COL25A1: variants seen among roughly 807,000 people sequenced by gnomAD.
COL25A1 encodes the protein collagen alpha-1(XXV) chain.
In COL25A1, 103 loss-of-function variants were observed where a neutral mutation model predicts 128.4. That is an observed-to-expected ratio of 0.80 (90% CI 0.68 to 0.94). The LOEUF is 0.94. Ranked by LOEUF, COL25A1 falls within the 40% of genes least tolerant of loss-of-function variation. The pLI is 0.00. For synonymous variants in COL25A1, 279 were observed against 277.2 expected (o/e 1.01, Z -0.06); for missense variants, 745 against 840.0 (o/e 0.89, Z 1.40).
chr4:109,189,180 C>T (rs1335780775), intron 3 of COL25A1, among the ~76,000 whole-genome samples: 1 of 152,042 alleles, frequency 6.6e-6, no homozygotes, highest in African/African-American at 2.4e-5. Flanking sequence ...ATTTTCATAA[C>T]ATCTTTGATT....
chr4:109,160,597 G>A (rs1273770324), intron 3 of COL25A1, among the ~76,000 whole-genome samples: 1 of 152,042 alleles, frequency 6.6e-6, no homozygotes, highest in Non-Finnish European at 1.5e-5. Context: ...CCTTGGGAAC[G>A]GGCTCTGTCC....
At chr4:108,940,445 A>T in intron 10 of COL25A1, 94 bp downstream of exon 10, 1 of 987,448 alleles carries the variant, frequency 1.0e-6, no homozygotes. Flanking sequence ...TGACCCCCTG[A>T]CCTGATGCCC....
chr4:109,018,224 C>A (rs1344475120), intron 5 of COL25A1, among the ~76,000 whole-genome samples: 1 of 151,984 alleles, frequency 6.6e-6, no homozygotes, highest in African/African-American at 2.4e-5. Context: ...TGATCCCATC[C>A]TCTTTCTTTT....
chr4:109,037,763 T>C (rs1759494132), intron 5 of COL25A1, among the ~76,000 whole-genome samples: 1 of 152,204 alleles, frequency 6.6e-6, no homozygotes, highest in African/African-American at 2.4e-5. Context: ...CTGACAGCTA[T>C]AAAGTAAAAT....
At chr4:109,010,294 GAA>G in intron 6 of COL25A1, 62 bp downstream of exon 6, 1 of 1,216,192 alleles carries the variant, frequency 8.2e-7, no homozygotes, top group South Asian at 1.4e-5. Flanking sequence ...AAGAATTGCA[GAA>G]AGACCTCCAC....
intron 5 of COL25A1, among the ~76,000 whole-genome samples, chr4:109,029,726 C>T (rs1413843590): frequency 6.6e-6 from 1 of 151,994 alleles, no homozygotes; most frequent in Non-Finnish European, 1.5e-5. Flanking sequence ...GAAGGAACTA[C>T]TATGTAAAAA....
At chr4:109,205,385 G>A (rs1358159602) in intron 3 of COL25A1, among the ~76,000 whole-genome samples, 2 of 152,130 alleles carry the variant, frequency 1.3e-5, no homozygotes, top group Non-Finnish European at 1.5e-5. Flanking sequence ...CAGCCTCCCT[G>A]AAGCTGGATG....
chr4:109,127,064 G>T (rs1768692716), intron 3 of COL25A1, among the ~76,000 whole-genome samples: 1 of 152,106 alleles, frequency 6.6e-6, no homozygotes, highest in Non-Finnish European at 1.5e-5. Flanking sequence ...GAGTGAATAA[G>T]AATTACTCAT....
rs775470449 is a variant in COL25A1 at position 109,108,077 on chromosome 4, C to T, written c.368-57898G>A. ...TAAGTTTTAGGGTACATGTGCACAACGTGCAGGTTTGTTACATATGTATAC... is the reference window on the plus strand; with the variant it reads ...TAAGTTTTAGGGTACATGTGCACAATGTGCAGGTTTGTTACATATGTATAC... On this transcript the variant is annotated intron_variant, in intron 3 of 37. Coordinates refer to ENST00000399132, the MANE Select transcript of COL25A1 (RefSeq NM_198721.4). 9.9e-5 allele frequency among the ~76,000 whole-genome samples: 15 copies of T among 152,102 alleles called. No homozygotes were observed. The South Asian group carries it at 1.7e-3, about 17-fold the overall frequency.
chr4:108,993,852 C>G (rs1306811706), intron 6 of COL25A1, among the ~76,000 whole-genome samples: 1 of 111,488 alleles, frequency 9.0e-6, no homozygotes, highest in Non-Finnish European at 1.9e-5. Flanking sequence ...AAGAGTGAAA[C>G]TCCATCTCAA....
rs78401602 is a variant in COL25A1 at position 108,894,823 on chromosome 4, C to A, written c.906+1844G>T. On this transcript the variant is annotated intron_variant, in intron 16 of 37. Transcript: ENST00000399132. ...TGGTCTCATTTGTATTAAACAGATTCATGCCATATTTGATTGCAGCATGAT... is the reference window on the plus strand; with the variant it reads ...TGGTCTCATTTGTATTAAACAGATTAATGCCATATTTGATTGCAGCATGAT... Among the ~76,000 whole-genome samples the A allele has an allele frequency of 2.6e-3, 393 of 152,282 alleles. 4 individuals are homozygous for A. Among genetic ancestry groups the A allele is most frequent in the African/African-American group, 9.1e-3 (378 of 41,546 alleles).
intron 18 of COL25A1, among the ~76,000 whole-genome samples, chr4:108,884,674 T>C (rs1408651343): frequency 6.6e-6 from 1 of 152,192 alleles, no homozygotes; most frequent in Non-Finnish European, 1.5e-5. Flanking sequence ...CAAAACAATA[T>C]TCATTAAAAG....
intron 6 of COL25A1, among the ~76,000 whole-genome samples, chr4:108,980,099 C>T (rs1240851353): frequency 6.6e-6 from 1 of 152,186 alleles, no homozygotes; most frequent in African/African-American, 2.4e-5. Context: ...TTTTAAAAGG[C>T]TGGTTAACCA....
At chr4:108,928,822 T>TATAG (rs1746393953) in intron 11 of COL25A1, among the ~76,000 whole-genome samples, 1 of 152,094 alleles carries the variant, frequency 6.6e-6, no homozygotes. Context: ...GTGCTAGAAT[T>TATAG]ATAGGCATGA....
intron 6 of COL25A1, among the ~76,000 whole-genome samples, chr4:108,990,223 AAAAAAAAAAAAAAAAAAT>A (rs1337439267): frequency 3.1e-5 from 2 of 65,502 alleles, no homozygotes; most frequent in East Asian, 5.3e-4. Flanking sequence ...AAAAAAAAAA[AAAAAAAAAAAAAAAAAAT>A]ATATATATAT....
intron 26 of COL25A1, among the ~76,000 whole-genome samples, chr4:108,851,694 A>T (rs1735795356): frequency 1.3e-5 from 2 of 152,126 alleles, no homozygotes; most frequent in Non-Finnish European, 2.9e-5. Context: ...GCCTTCTACT[A>T]TTTTTAGTTG....
intron 5 of COL25A1, among the ~76,000 whole-genome samples, chr4:109,036,510 A>G (rs1191194953): frequency 2.0e-5 from 3 of 152,198 alleles, no homozygotes; most frequent in Non-Finnish European, 4.4e-5. Context: ...CTTAACTTTA[A>G]TATGCAAAGT....
intron 3 of COL25A1, among the ~76,000 whole-genome samples, chr4:109,114,215 A>G (rs1579410672): frequency 6.6e-6 from 1 of 152,118 alleles, no homozygotes; most frequent in East Asian, 1.9e-4. Flanking sequence ...TTAATTATTT[A>G]CAAGTAATAT....
chr4:109,117,944 T>C (rs1367513591), intron 3 of COL25A1, among the ~76,000 whole-genome samples: 2 of 151,024 alleles, frequency 1.3e-5, no homozygotes, highest in Non-Finnish European at 3.0e-5. Flanking sequence ...ACTGATGTGC[T>C]AAAAAAGGAA....
Sources: gnomAD v4.1 joint callset for allele counts (sites outside exome capture counted in the v4.1 genomes callset) on GRCh38, gnomAD v4.1.1 for gene constraint, MANE v1.5 for transcripts, NCBI Gene and HGNC (gene_info 2026-07-23, HGNC 2026-07-21) for gene names.